The following CDHR2 variants were observed in gnomAD, a reference collection of about 807,000 sequenced individuals.
The protein encoded by CDHR2 is cadherin-related family member 2.
A neutral mutation model predicts 138.6 loss-of-function variants in CDHR2; 104 were observed. The ratio of observed to expected loss-of-function variants is 0.75; its 90% CI spans 0.64 to 0.88. CDHR2 has a LOEUF of 0.88. Ranked by LOEUF, CDHR2 falls within the 40% of genes least tolerant of loss-of-function variation. The probability of loss-of-function intolerance (pLI) is 0.00; values close to 1 mark genes in which losing one functional copy is unlikely to be tolerated. For missense variants in CDHR2, 1,624 were observed against 1,727.6 expected, an observed-to-expected ratio of 0.94 and a Z score of 1.06; for synonymous variants, 755 against 742.8, an observed-to-expected ratio of 1.02 and a Z score of -0.27.
At chr5:176,565,243 T>G in intron 1 of CDHR2, 95 bp from the exon 2 acceptor site, 1 of 829,592 alleles carries the variant, frequency 1.2e-6, no homozygotes, top group Admixed American at 1.8e-5. Context: ...TAAGCAGCAG[T>G]GGTGGGTGGG....
upstream of CDHR2, chr5:176,547,476 C>T (rs376978262): frequency 4.9e-4 from 75 of 152,282 alleles, no homozygotes; most frequent in African/African-American, 1.8e-3. Flanking sequence ...AGTAGCTATT[C>T]ATAGGCACAG....
intron 1 of CDHR2, among the ~76,000 whole-genome samples, chr5:176,552,137 C>T (rs1757720585): frequency 6.6e-6 from 1 of 152,220 alleles, no homozygotes; most frequent in African/African-American, 2.4e-5. Context: ...AAGCGGGTGC[C>T]TGTCCGCAAG....
At chr5:176,546,891 T>C (rs1320238553), upstream of CDHR2, among the ~76,000 whole-genome samples, 1 of 151,958 alleles carries the variant, frequency 6.6e-6, no homozygotes, top group Non-Finnish European at 1.5e-5. Context: ...GAAACACTTC[T>C]CAAAAAGAGG....
In CDHR2 at chr5:176,568,805, T is replaced by TCTGGACTAC. The variant is rs776258273; in HGVS notation, c.253_261dup (p.Leu85_Tyr87dup). On this transcript the variant is annotated inframe_insertion, in exon 4 of 32. Transcript: ENST00000261944. ...CTGGGGAAGTGAAGCTGGCCAGCGCTCTGGACTACGAGGTAAAGAGCATCA... is the reference window on the plus strand; with the variant it reads ...CTGGGGAAGTGAAGCTGGCCAGCGCTCTGGACTACCTGGACTACGAGGTAAAGAGCATCA... 5.0e-6 allele frequency: 8 copies of TCTGGACTAC among 1,614,136 alleles called. No homozygotes were observed. Among genetic ancestry groups the TCTGGACTAC allele is most frequent in the Non-Finnish European group, 6.8e-6 (8 of 1,180,014 alleles).
At position 176,575,780 on chromosome 5, in the gene CDHR2, G is replaced by T; in HGVS notation, c.901G>T (p.Gly301Cys). 1.3e-6 allele frequency: 2 copies of T among 1,563,442 alleles called. No homozygotes were observed. Among genetic ancestry groups the T allele is most frequent in the Non-Finnish European group, 1.7e-6 (2 of 1,153,334 alleles). The stretch of plus-strand genomic sequence containing the variant: ...GGCAGATGGGGTGATCAGGGTCAAC[G>T]GCTCCCTGGACCGTGAGCAGCTGCT... Reference protein sequence around the residue: ...IGADGVIRVNGSLDREQLLEA... With the variant: ...IGADGVIRVNCSLDREQLLEA... Residue 301 changes from glycine (G) to cysteine (C), a missense_variant, in exon 11 of 32, where the codon GGC becomes TGC. Gly to Cys is a radical substitution (Grantham distance 159). Coordinates refer to ENST00000261944, the MANE Select transcript of CDHR2 (RefSeq NM_017675.6).
At chr5:176,587,125 A>C (rs112843365) in intron 21 of CDHR2, among the ~76,000 whole-genome samples, 154 of 152,386 alleles carry the variant, frequency 1.0e-3, no homozygotes, top group African/African-American at 3.6e-3. Flanking sequence ...AGCTAATTGT[A>C]AATTAAGCCA....
chr5:176,589,677 C>T (rs550180026), intron 24 of CDHR2, 61 bp downstream of exon 24: 225 of 1,426,822 alleles, frequency 1.6e-4, no homozygotes, highest in Non-Finnish European at 2.0e-4. Context: ...GCCTGGTCCC[C>T]GACAAAACCT....
chr5:176,570,929 T>G, intron 5 of CDHR2, among the ~76,000 whole-genome samples: 1 of 141,046 alleles, frequency 7.1e-6, no homozygotes, highest in African/African-American at 2.7e-5. Context: ...CCAGCCTGGG[T>G]AACAAGAATG....
At chr5:176,564,486 C>G (rs559902048) in intron 1 of CDHR2, among the ~76,000 whole-genome samples, 171 of 152,358 alleles carry the variant, frequency 1.1e-3, no homozygotes, top group African/African-American at 3.9e-3. Flanking sequence ...CCACGCCCAG[C>G]CTTGTCTTTG....
intron 1 of CDHR2, among the ~76,000 whole-genome samples, chr5:176,556,236 G>A (rs1387700476): frequency 7.9e-5 from 12 of 152,214 alleles, no homozygotes; most frequent in Admixed American, 7.8e-4. Flanking sequence ...AGTCACGGTG[G>A]CTCACACCTG....
upstream of CDHR2, among the ~76,000 whole-genome samples, chr5:176,544,451 C>CTCTTTCTCTTTTTCCTTT (rs371507296): frequency 6.8e-6 from 1 of 146,160 alleles, no homozygotes. Context: ...TTCTCTCTTT[C>CTCTTTCTCTTTTTCCTTT]CTTTTTTTGA....
chr5:176,595,843 G>C (rs1759020547), downstream of CDHR2: 1 of 641,512 alleles, frequency 1.6e-6, no homozygotes, highest in African/African-American at 1.9e-5. Context: ...GTGACAGTTT[G>C]TAGCCAAAAA....
In CDHR2 at chr5:176,590,566, T is replaced by C; in HGVS notation, c.3418T>C (p.Ser1140Pro). The stretch of plus-strand genomic sequence containing the variant: ...CCTCACACTCATCTTTCTCCAGGGC[T>C]CCCAGGAGAGCCAGGAGTCAGACCT... ...LLQLGLVVLG[S>P]QESQESDLSK... Residue 1140 changes from serine (S) to proline (P), a missense_variant, in exon 28 of 32, where the codon TCC becomes CCC. By Grantham distance (74) the Ser-to-Pro change is moderately conservative (BLOSUM62 -1). This residue lies in a region of CDHR2 where 556 missense variants were observed against 565.7 expected (regional missense o/e 0.98). Transcript: ENST00000261944. The C allele has an allele frequency of 8.1e-6, 13 of 1,613,990 alleles. No homozygotes were observed. Among genetic ancestry groups the C allele is most frequent in the Non-Finnish European group, 1.1e-5 (13 of 1,179,984 alleles).
chr5:176,573,487 T>TA lies in CDHR2; in HGVS notation c.406-595dup, dbSNP rs201023560. ...AAACCCTGTCTCTATTAAAAATATA[T>TA]ATAAAAAAAATTAGCTAGGCATGGT... is the stretch of plus-strand genomic sequence containing the variant. On this transcript the variant is annotated intron_variant, in intron 6 of 31. Coordinates refer to ENST00000261944, the MANE Select transcript of CDHR2 (RefSeq NM_017675.6). Among the ~76,000 whole-genome samples the TA allele has an allele frequency of 1.4e-3, 216 of 150,264 alleles. 1 individual carries two copies. The highest frequency in any genetic ancestry group is 4.5e-3 in the African/African-American group (184 of 40,858).
At chr5:176,574,381 A>T (rs780231014) in intron 7 of CDHR2, among the ~76,000 whole-genome samples, 1 of 151,734 alleles carries the variant, frequency 6.6e-6, no homozygotes, top group Admixed American at 6.6e-5. Context: ...TGCAGACCAG[A>T]CCCTTCTTCC....
chr5:176,544,177 C>T (rs1470665454), intron 1 of CDHR2, among the ~76,000 whole-genome samples: 1 of 152,232 alleles, frequency 6.6e-6, no homozygotes, highest in Non-Finnish European at 1.5e-5. Flanking sequence ...GGTGGAGCGG[C>T]TGCCTCCGGG....
chr5:176,573,983 G>A (rs1758294673), intron 6 of CDHR2, 100 bp from the exon 7 acceptor site: 2 of 892,070 alleles, frequency 2.2e-6, no homozygotes, highest in Non-Finnish European at 3.6e-6. Flanking sequence ...CTGTCCCCAT[G>A]AGTGCACAGC....
In CDHR2 at chr5:176,581,588, G is replaced by A. The variant is rs1037296259; in HGVS notation, c.2058+6G>A. 1.9e-6 allele frequency: 3 copies of A among 1,611,506 alleles called. No homozygotes were observed. The highest frequency in any genetic ancestry group is 8.5e-7 in the Non-Finnish European group (1 of 1,179,150). On this transcript the variant is annotated splice_donor_region_variant and intron_variant, in intron 17 of 31. Coordinates refer to ENST00000261944, the MANE Select transcript of CDHR2 (RefSeq NM_017675.6). ...ATGTCACCATCACTGTGGAGGTAAG[G>A]CCTCGCTTAGCCAGGATGGGCCTGG...
chr5:176,590,364 G>T (rs1294900044), intron 26 of CDHR2, 34 bp downstream of exon 26: 3 of 1,614,200 alleles, frequency 1.9e-6, no homozygotes, highest in Non-Finnish European at 2.5e-6. Context: ...AGGTGTGAGG[G>T]TGAGCAGGAA....
Sources: allele counts gnomAD v4.1 joint callset (sites outside exome capture counted in the v4.1 genomes callset), GRCh38; gene constraint gnomAD v4.1.1; regional missense constraint gnomAD v4.1.1; transcripts MANE v1.5; gene names NCBI Gene and HGNC (gene_info 2026-07-23, HGNC 2026-07-21).